FAM120C: variants seen among roughly 807,000 people sequenced by gnomAD.
The protein encoded by FAM120C is family with sequence similarity 120 member C, also known as constitutive coactivator of PPAR-gamma-like protein 2.
A neutral mutation model predicts 71.2 loss-of-function variants in FAM120C; 14 were observed. That is an observed-to-expected ratio of 0.20 (90% CI 0.13 to 0.31). The LOEUF (loss-of-function observed/expected upper bound fraction) is 0.31, where lower values mean the gene tolerates loss of function less well. FAM120C is among the 10% of genes least tolerant of loss of function. The pLI is 1.00. For synonymous variants in FAM120C, 354 were observed against 353.2 expected, an observed-to-expected ratio of 1.00 and a Z score of -0.03; for missense variants, 500 against 879.0, an observed-to-expected ratio of 0.57 and a Z score of 5.45.
At chrX:54,151,112 C>T in intron 4 of FAM120C, 133 bp downstream of exon 4, 2 of 723,855 alleles carry the variant, frequency 2.8e-6, no homozygotes, top group Non-Finnish European at 4.1e-6. Context: ...AATTTTGGAG[C>T]TCTCATTTGT....
At chrX:54,137,525 T>C (rs2067101064) in intron 4 of FAM120C, among the ~76,000 whole-genome samples, 1 of 112,263 alleles carries the variant, frequency 8.9e-6, no homozygotes, top group Non-Finnish European at 1.9e-5. Context: ...TCATTATGAA[T>C]GTGTCATAAA....
chrX:54,127,388 G>A (rs1015612599), intron 9 of FAM120C, among the ~76,000 whole-genome samples: 4 of 108,338 alleles, frequency 3.7e-5, no homozygotes, highest in Admixed American at 2.0e-4. Context: ...TCAGGAGATC[G>A]AGACCATCCT....
At chrX:54,111,986 T>C (rs1312296522) in intron 10 of FAM120C, among the ~76,000 whole-genome samples, 11 of 112,400 alleles carry the variant, frequency 9.8e-5, no homozygotes, top group South Asian at 7.3e-4. Context: ...GCCACATACC[T>C]ACAGCTAATT....
At chrX:54,128,645 G>A (rs1466831820) in intron 9 of FAM120C, among the ~76,000 whole-genome samples, 1 of 111,187 alleles carries the variant, frequency 9.0e-6, no homozygotes, top group East Asian at 2.8e-4. Flanking sequence ...GTGTCCCTGG[G>A]TACTTGAGAT....
In FAM120C at chrX:54,159,612, A is replaced by C; in HGVS notation, c.704T>G (p.Phe235Cys). The change falls in exon 2 of 16, where the codon TTT (phenylalanine) becomes TGT (cysteine). Residue 235 changes from phenylalanine to cysteine, a missense_variant. Coordinates refer to ENST00000375180, the MANE Select transcript of FAM120C (RefSeq NM_017848.6). ...LALIRFRVKV[F>C]QSLEDHHLEV... ...CAAATGGTGGTCTTCAAGGCTCTGAAAGACCTAGAAGGGAAGAAGAGAACG... is the reference window on the plus strand; with the variant it reads ...CAAATGGTGGTCTTCAAGGCTCTGACAGACCTAGAAGGGAAGAAGAGAACG... The C allele has an allele frequency of 8.3e-7, 1 of 1,211,169 alleles. No homozygotes were observed. The highest frequency in any genetic ancestry group is 1.8e-5 in the South Asian group (1 of 56,890).
At chrX:54,147,056 C>T (rs1181786484) in intron 4 of FAM120C, among the ~76,000 whole-genome samples, 1 of 108,796 alleles carries the variant, frequency 9.2e-6, no homozygotes, top group Non-Finnish European at 1.9e-5. Flanking sequence ...TGGCTCATTC[C>T]TGTAATCCTA....
rs190626836 is a variant in FAM120C at position 54,070,443 on chromosome X, T to A, written c.*2590A>T. On this transcript the variant is annotated 3_prime_UTR_variant, in exon 16 of 16. Coordinates refer to ENST00000375180, the MANE Select transcript of FAM120C (RefSeq NM_017848.6). ...AGTTAACAATACTGTCATTTGATTG[T>A]GTCAGATAGATTCAAGATGCACAGA... 5 of 112,440 alleles carry A rather than the reference T, an allele frequency of 4.4e-5. No individual in the cohort carries two copies. Among genetic ancestry groups the A allele is most frequent in the Non-Finnish European group, 7.5e-5 (4 of 53,299 alleles). The allele number at this position is 112,440 out of a possible 1,213,427, so 9.3% of individuals were successfully genotyped here.
At chrX:54,162,459 A>G (rs2067240029) in intron 1 of FAM120C, among the ~76,000 whole-genome samples, 1 of 111,809 alleles carries the variant, frequency 8.9e-6, no homozygotes, top group Admixed American at 9.5e-5. Context: ...CTAATTTGAC[A>G]ATACCATCAT....
Position 54,166,413 on chromosome X carries a change from C to A in FAM120C, c.700-6797G>T, listed in dbSNP as rs181706461. Among the ~76,000 whole-genome samples the A allele has an allele frequency of 1.8e-3, 197 of 112,029 alleles. 2 individuals carry two copies. The highest frequency in any genetic ancestry group is 5.2e-3 in the South Asian group (14 of 2,699). ...TTTTAGATATGTAAAGCACTTGGAA[C>A]AACAATGAAAGTGCCTAAGTGTGAG... is the stretch of plus-strand genomic sequence containing the variant. On this transcript the variant is annotated intron_variant, in intron 1 of 15. Coordinates refer to ENST00000375180, the MANE Select transcript of FAM120C (RefSeq NM_017848.6).
chrX:54,087,690 C>T, intron 12 of FAM120C, 65 bp downstream of exon 12: 2 of 1,060,864 alleles, frequency 1.9e-6, no homozygotes, highest in Non-Finnish European at 2.6e-6. Flanking sequence ...GCTCCTTTCC[C>T]CTCCCTGCCC....
intron 4 of FAM120C, among the ~76,000 whole-genome samples, chrX:54,144,034 A>C (rs782270133): frequency 4.1e-4 from 46 of 112,083 alleles, no homozygotes; most frequent in Non-Finnish European, 7.7e-4. Context: ...AACGCAATCC[A>C]TCATATAAAC....
chrX:54,142,901 A>G (rs1465107110), intron 4 of FAM120C, among the ~76,000 whole-genome samples: 3 of 111,622 alleles, frequency 2.7e-5, no homozygotes, highest in African/African-American at 9.8e-5. Context: ...TTCCAGAGGA[A>G]GGATCAGGCA....
At chrX:54,093,615 G>A (rs956011646) in intron 10 of FAM120C, among the ~76,000 whole-genome samples, 3 of 112,146 alleles carry the variant, frequency 2.7e-5, no homozygotes, top group African/African-American at 9.7e-5. Context: ...GGAAATGCTA[G>A]CTCCATCTTT....
At chrX:54,158,068 C>T (rs782740065) in intron 2 of FAM120C, among the ~76,000 whole-genome samples, 9 of 112,196 alleles carry the variant, frequency 8.0e-5, no homozygotes, top group African/African-American at 2.3e-4. Context: ...GGTACACACA[C>T]CAAGATAAAA....
At chrX:54,157,402 C>T (rs1557133864) in intron 3 of FAM120C, among the ~76,000 whole-genome samples, 1 of 110,223 alleles carries the variant, frequency 9.1e-6, no homozygotes, top group African/African-American at 3.3e-5. Flanking sequence ...TTATAGGCGC[C>T]TGCCACTACG....
chrX:54,090,826 T>G (rs185981337), intron 11 of FAM120C, among the ~76,000 whole-genome samples: 1 of 111,466 alleles, frequency 9.0e-6, no homozygotes, highest in Admixed American at 9.6e-5. Flanking sequence ...AGCTAGGAGG[T>G]AATGAAGCCA....
At chrX:54,179,989 T>C (rs1268016672) in intron 1 of FAM120C, among the ~76,000 whole-genome samples, 4 of 112,179 alleles carry the variant, frequency 3.6e-5, no homozygotes, top group Non-Finnish European at 7.5e-5. Context: ...GTGACTGAGA[T>C]TCTACTATTT....
chrX:54,106,853 C>A (rs1425583576), intron 10 of FAM120C, among the ~76,000 whole-genome samples: 2 of 111,743 alleles, frequency 1.8e-5, no homozygotes, highest in Non-Finnish European at 3.8e-5. Flanking sequence ...CAATGAGATA[C>A]CATCTCACAC....
chrX:54,136,092 G>A (rs2067093001), intron 5 of FAM120C, among the ~76,000 whole-genome samples: 2 of 108,703 alleles, frequency 1.8e-5, no homozygotes, highest in African/African-American at 3.4e-5. Context: ...TCCGCCTCCC[G>A]GGTTCAAGCG....
Sources: gnomAD v4.1 joint callset for allele counts (sites outside exome capture counted in the v4.1 genomes callset) on GRCh38, gnomAD v4.1.1 for gene constraint, MANE v1.5 for transcripts, NCBI Gene and HGNC (gene_info 2026-07-23, HGNC 2026-07-21) for gene names.